HS3ST4: variants seen among roughly 807,000 people sequenced by gnomAD.
The protein encoded by HS3ST4 is heparan sulfate glucosamine 3-O-sulfotransferase 4.
A neutral mutation model predicts 29.2 loss-of-function variants in HS3ST4; 17 were observed. The observed-to-expected ratio is 0.58, with a 90% CI of 0.40 to 0.87. HS3ST4 has a LOEUF of 0.87. Ranked by LOEUF, HS3ST4 falls within the 40% of genes least tolerant of loss-of-function variation. The probability of loss-of-function intolerance (pLI) is 0.00; values close to 1 mark genes in which losing one functional copy is unlikely to be tolerated. For synonymous variants in HS3ST4, 314 were observed against 285.7 expected (o/e 1.10, Z -1.00); for missense variants, 627 against 634.5 (o/e 0.99, Z 0.13).
At chr16:25,987,595 A>T (rs954028068) in intron 1 of HS3ST4, among the ~76,000 whole-genome samples, 1 of 152,120 alleles carries the variant, frequency 6.6e-6, no homozygotes, top group East Asian at 1.9e-4. Context: ...GGCCACATGC[A>T]TTCCTGTCTT....
intron 1 of HS3ST4, among the ~76,000 whole-genome samples, chr16:25,860,561 GC>G (rs1168260066): frequency 6.6e-6 from 1 of 152,140 alleles, no homozygotes; most frequent in Non-Finnish European, 1.5e-5. Flanking sequence ...AAGCCATTGA[GC>G]CATGAAAAGA....
At chr16:26,103,474 G>A (rs1346105175) in intron 1 of HS3ST4, among the ~76,000 whole-genome samples, 1 of 152,102 alleles carries the variant, frequency 6.6e-6, no homozygotes, top group Non-Finnish European at 1.5e-5. Context: ...AAATGTGTGT[G>A]TGGTAAACTC....
intron 1 of HS3ST4, among the ~76,000 whole-genome samples, chr16:25,914,350 G>A (rs1239980578): frequency 6.6e-6 from 1 of 151,426 alleles, no homozygotes; most frequent in South Asian, 2.1e-4. Context: ...TGTATGTGGG[G>A]TGTGTATGTT....
At chr16:26,117,703 C>T (rs887576010) in intron 1 of HS3ST4, among the ~76,000 whole-genome samples, 1 of 152,212 alleles carries the variant, frequency 6.6e-6, no homozygotes, top group Non-Finnish European at 1.5e-5. Flanking sequence ...GCTTAGCACA[C>T]CCATCTGCTT....
intron 1 of HS3ST4, among the ~76,000 whole-genome samples, chr16:25,735,766 T>G (rs1347910680): frequency 6.6e-6 from 1 of 152,144 alleles, no homozygotes; most frequent in African/African-American, 2.4e-5. Context: ...CAGCAAAAGT[T>G]TTAAGGCTGA....
intron 1 of HS3ST4, among the ~76,000 whole-genome samples, chr16:26,102,207 A>T (rs1457407842): frequency 1.3e-5 from 2 of 152,174 alleles, no homozygotes; most frequent in African/African-American, 4.8e-5. Flanking sequence ...AGACTAAATC[A>T]TCCAAAAATC....
intron 1 of HS3ST4, among the ~76,000 whole-genome samples, chr16:25,910,550 G>A (rs534720947): frequency 1.3e-5 from 2 of 152,150 alleles, no homozygotes; most frequent in African/African-American, 4.8e-5. Flanking sequence ...GGCTGAGGCA[G>A]GAGAATCGCT....
At chr16:25,717,510 GGT>G (rs763190199) in intron 1 of HS3ST4, among the ~76,000 whole-genome samples, 24,710 of 132,550 alleles carry the variant, frequency 0.19, 2,031 homozygotes, top group South Asian at 0.25. Context: ...AAGGTGAAGG[GGT>G]GTGTGTGTGT....
chr16:25,765,013 G>GGAGA (rs1233875754), intron 1 of HS3ST4, among the ~76,000 whole-genome samples: 2 of 152,182 alleles, frequency 1.3e-5, no homozygotes, highest in Non-Finnish European at 1.5e-5. Context: ...AGAAATGGAG[G>GGAGA]TGAGCAGAAG....
Position 25,861,679 on chromosome 16 carries a change from A to G in HS3ST4, c.734+168528A>G, listed in dbSNP as rs182963329. Among the ~76,000 whole-genome samples, 5 of 152,266 alleles carry G rather than the reference A, an allele frequency of 3.3e-5. No individual in the cohort carries two copies. The East Asian group carries it at 5.8e-4, about 18-fold the overall frequency. On this transcript the variant is annotated intron_variant, in intron 1 of 1. Coordinates refer to ENST00000331351, the MANE Select transcript of HS3ST4 (RefSeq NM_006040.3). ...CCTTTACACTCCCTCAAATAACTCAATCAAGACCACAGTTCCTTCCCTTTC... is the reference window on the plus strand; with the variant it reads ...CCTTTACACTCCCTCAAATAACTCAGTCAAGACCACAGTTCCTTCCCTTTC...
At chr16:25,856,070 C>G (rs907529085) in intron 1 of HS3ST4, among the ~76,000 whole-genome samples, 4 of 152,032 alleles carry the variant, frequency 2.6e-5, no homozygotes. Context: ...AATTCCCCAC[C>G]AGAGCCACAA....
chr16:26,004,101 G>T (rs1349419988), intron 1 of HS3ST4, among the ~76,000 whole-genome samples: 2 of 152,108 alleles, frequency 1.3e-5, no homozygotes, highest in Non-Finnish European at 2.9e-5. Flanking sequence ...TTTTTGGAGG[G>T]AAAGGAGATA....
At chr16:25,800,068 T>G (rs978411011) in intron 1 of HS3ST4, among the ~76,000 whole-genome samples, 104 of 111,054 alleles carry the variant, frequency 9.4e-4, no homozygotes, top group South Asian at 7.2e-3. Context: ...CTTCCTGCCT[T>G]CCTTCCTTCC....
chr16:26,038,723 G>T (rs1448703503), intron 1 of HS3ST4, among the ~76,000 whole-genome samples: 1 of 151,768 alleles, frequency 6.6e-6, no homozygotes, highest in East Asian at 1.9e-4. Context: ...TCTCAAAATT[G>T]TCCAGGCTGG....
intron 1 of HS3ST4, among the ~76,000 whole-genome samples, chr16:26,121,679 G>A (rs1412079992): frequency 2.0e-5 from 3 of 152,164 alleles, no homozygotes; most frequent in African/African-American, 7.2e-5. Flanking sequence ...CCCGAGAGGA[G>A]CCCTCTGTTG....
intron 1 of HS3ST4, among the ~76,000 whole-genome samples, chr16:25,923,918 GA>G (rs1968379117): frequency 6.6e-6 from 1 of 152,124 alleles, no homozygotes; most frequent in Admixed American, 6.6e-5. Context: ...ACTCCCTTTG[GA>G]GCATCTCATG....
At chr16:25,877,679 C>A (rs144807414) in intron 1 of HS3ST4, among the ~76,000 whole-genome samples, 27 of 152,270 alleles carry the variant, frequency 1.8e-4, no homozygotes, top group African/African-American at 6.5e-4. Flanking sequence ...TTTCAGACTT[C>A]TAGCCCCCAG....
At chr16:25,742,322 G>A (rs940113188) in intron 1 of HS3ST4, among the ~76,000 whole-genome samples, 2 of 152,182 alleles carry the variant, frequency 1.3e-5, no homozygotes, top group African/African-American at 4.8e-5. Flanking sequence ...GTGGTAAAGA[G>A]AAGCCTCCTT....
At chr16:26,096,563 T>C (rs1223280451) in intron 1 of HS3ST4, among the ~76,000 whole-genome samples, 1 of 152,114 alleles carries the variant, frequency 6.6e-6, no homozygotes, top group African/African-American at 2.4e-5. Flanking sequence ...TGCTAAAAAC[T>C]CTCAATAAAC....
Sources: gnomAD v4.1 joint callset for allele counts (sites outside exome capture counted in the v4.1 genomes callset) on GRCh38, gnomAD v4.1.1 for gene constraint, MANE v1.5 for transcripts, NCBI Gene and HGNC (gene_info 2026-07-23, HGNC 2026-07-21) for gene names.